Variants in RPL39L observed in about 807,000 individuals in gnomAD.
The protein encoded by RPL39L is ribosomal protein L39 like.
For missense variants in RPL39L, 48 were observed against 58.9 expected (o/e 0.81, Z 0.61); for synonymous variants, 16 against 20.1 (o/e 0.80, Z 0.55).
chr3:187,133,041 A>G (rs1370498843), intron 1 of RPL39L, among the ~76,000 whole-genome samples: 1 of 152,252 alleles, frequency 6.6e-6, no homozygotes, highest in Non-Finnish European at 1.5e-5. Flanking sequence ...GTGGACCAGC[A>G]TAAGAGTATA....
chr3:187,124,819 C>T (rs1360525100), intron 2 of RPL39L, among the ~76,000 whole-genome samples: 2 of 152,128 alleles, frequency 1.3e-5, no homozygotes, highest in Non-Finnish European at 2.9e-5. Flanking sequence ...AATGGTTAGA[C>T]CACTTAAATT....
chr3:187,121,230 G>A lies in RPL39L; in HGVS notation c.71C>T (p.Pro24Leu). The change falls in exon 3 of 3, where the codon CCC becomes CTC. Residue 24 changes from proline to leucine, a missense_variant. Transcript: ENST00000296277. ...ACCAGGTTTCATCTGAATCCACTGG[G>A]GGATGGGACGATTTTGCTTTTGTTT... is the stretch of plus-strand genomic sequence containing the variant. ...AKKQKQNRPI[P>L]QWIQMKPGSK... The A allele has an allele frequency of 6.2e-7, 1 of 1,613,908 alleles. No individual in the cohort carries two copies. The highest frequency in any genetic ancestry group is 8.5e-7 in the Non-Finnish European group (1 of 1,179,862).
intron 1 of RPL39L, among the ~76,000 whole-genome samples, chr3:187,135,639 A>C (rs938292660): frequency 6.6e-6 from 1 of 152,212 alleles, no homozygotes; most frequent in Non-Finnish European, 1.5e-5. Flanking sequence ...ACTAATACAG[A>C]CGGGTAAGCA....
At chr3:187,131,096 A>T (rs1181240498) in intron 1 of RPL39L, among the ~76,000 whole-genome samples, 2 of 152,212 alleles carry the variant, frequency 1.3e-5, no homozygotes, top group Non-Finnish European at 2.9e-5. Flanking sequence ...CTTTTTTCAC[A>T]TATACAACTC....
intron 2 of RPL39L, among the ~76,000 whole-genome samples, chr3:187,122,164 C>A (rs1311809686): frequency 6.6e-6 from 1 of 152,196 alleles, no homozygotes; most frequent in Non-Finnish European, 1.5e-5. Context: ...GACCACATTG[C>A]CATCTACTGA....
At chr3:187,123,525 G>A (rs1355721640) in intron 2 of RPL39L, among the ~76,000 whole-genome samples, 4 of 152,226 alleles carry the variant, frequency 2.6e-5, no homozygotes, top group Admixed American at 2.0e-4. Flanking sequence ...AGCAGACCCT[G>A]TTCTACCCTT....
intron 1 of RPL39L, among the ~76,000 whole-genome samples, chr3:187,135,525 A>G (rs1720560251): frequency 6.6e-6 from 1 of 152,168 alleles, no homozygotes; most frequent in South Asian, 2.1e-4. Context: ...GCTTTCTGCC[A>G]TAATTGTGAG....
intron 1 of RPL39L, among the ~76,000 whole-genome samples, chr3:187,137,678 C>T (rs915829061): frequency 2.6e-5 from 4 of 151,922 alleles, no homozygotes; most frequent in African/African-American, 9.7e-5. Context: ...CAAAAATTAG[C>T]CGGGTGTGGT....
At chr3:187,127,573 C>A (rs1720420249) in intron 2 of RPL39L, among the ~76,000 whole-genome samples, 1 of 152,146 alleles carries the variant, frequency 6.6e-6, no homozygotes, top group African/African-American at 2.4e-5. Context: ...CACTTTAGTG[C>A]CTATTTTAAT....
intron 1 of RPL39L, among the ~76,000 whole-genome samples, chr3:187,134,583 T>A (rs1720543881): frequency 6.6e-6 from 1 of 151,040 alleles, no homozygotes; most frequent in African/African-American, 2.4e-5. Context: ...TAGAATAATA[T>A]CACAAATTAT....
At chr3:187,139,060 AAAACAAACAAAC>A (rs112153457) in intron 1 of RPL39L, among the ~76,000 whole-genome samples, 141 bp downstream of exon 1, 2 of 147,958 alleles carry the variant, frequency 1.4e-5, no homozygotes, top group African/African-American at 2.6e-5. Context: ...CCTGTCTCAA[AAAACAAACAAAC>A]AAACAAACAA....
intron 2 of RPL39L, among the ~76,000 whole-genome samples, chr3:187,122,556 A>G (rs1720331379): frequency 6.6e-6 from 1 of 152,158 alleles, no homozygotes; most frequent in African/African-American, 2.4e-5. Flanking sequence ...TGTTTATTCT[A>G]TGTCTGGCAT....
chr3:187,129,287 T>C (rs181614721), intron 1 of RPL39L, among the ~76,000 whole-genome samples: 91 of 152,280 alleles, frequency 6.0e-4, no homozygotes, highest in African/African-American at 1.9e-3. Flanking sequence ...CTAGGCGGAT[T>C]TGGGGAGACG....
intron 2 of RPL39L, among the ~76,000 whole-genome samples, chr3:187,122,624 A>G (rs2108466809): frequency 6.6e-6 from 1 of 152,322 alleles, no homozygotes; most frequent in East Asian, 1.9e-4. Flanking sequence ...AAAAGAGTAC[A>G]TGCTGTGAGG....
rs1343525065 is a variant in RPL39L, at chr3:187,134,773, C to T, written c.-93+4440G>A. ...ACAAAACTACAGGCCCAAATGGCTT[C>T]ACTACCAAAAGCCAGAGATCAGGAC... On this transcript the variant is annotated intron_variant, in intron 1 of 2. Coordinates refer to ENST00000296277, the MANE Select transcript of RPL39L (RefSeq NM_052969.3). Among the ~76,000 whole-genome samples, 5 of 152,306 alleles carry T rather than the reference C, an allele frequency of 3.3e-5. No individual in the cohort carries two copies. In the East Asian group the frequency reaches 9.6e-4, roughly 29 times the overall value.
chr3:187,121,501 T>C (rs1464517250), intron 2 of RPL39L, among the ~76,000 whole-genome samples, 173 bp from the exon 3 acceptor site: 1 of 152,222 alleles, frequency 6.6e-6, no homozygotes, highest in Non-Finnish European at 1.5e-5. Context: ...AGCAGCGGTC[T>C]GAGGAGTCTG....
chr3:187,133,336 G>C lies in RPL39L; in HGVS notation c.-92-5274C>G, dbSNP rs1720517563. On this transcript the variant is annotated intron_variant, in intron 1 of 2. Transcript: ENST00000296277. ...GTGCTGTTCTTGTGACAGTGAGGGAGTTCTCATGAGATCTGATGGTTTAAA... is the reference window on the plus strand; with the variant it reads ...GTGCTGTTCTTGTGACAGTGAGGGACTTCTCATGAGATCTGATGGTTTAAA... Among the ~76,000 whole-genome samples the C allele has an allele frequency of 2.0e-5, 3 of 152,158 alleles. No individual in the cohort carries two copies. In the South Asian group the frequency reaches 6.2e-4, roughly 32 times the overall value.
chr3:187,128,090 G>T (rs188616672), intron 1 of RPL39L, 28 bp from the exon 2 acceptor site: 1 of 152,258 alleles, frequency 6.6e-6, no homozygotes, highest in Non-Finnish European at 1.5e-5. Context: ...AGTGTGTAAT[G>T]GTAACAGTAA....
intron 1 of RPL39L, among the ~76,000 whole-genome samples, chr3:187,137,783 G>A (rs1579416472): frequency 6.7e-6 from 1 of 149,696 alleles, no homozygotes; most frequent in Non-Finnish European, 1.5e-5. Context: ...AGCCAGGATT[G>A]CGCCACTGCA....
Sources: allele counts gnomAD v4.1 joint callset (sites outside exome capture counted in the v4.1 genomes callset), GRCh38; gene constraint gnomAD v4.1.1; transcripts MANE v1.5; gene names NCBI Gene and HGNC (gene_info 2026-07-23, HGNC 2026-07-21).